The following FOXP1 variants were observed in gnomAD, a reference collection of about 807,000 sequenced individuals.
FOXP1 encodes the protein forkhead box protein P1.
A neutral mutation model predicts 98.2 loss-of-function variants in FOXP1; 15 were observed. The ratio of observed to expected loss-of-function variants is 0.15; its 90% CI spans 0.10 to 0.24. FOXP1 has a LOEUF of 0.24. Ranked by LOEUF, FOXP1 falls within the 10% of genes least tolerant of loss-of-function variation. FOXP1 has a pLI of 1.00. For synonymous variants in FOXP1, 371 were observed against 314.5 expected, an observed-to-expected ratio of 1.18 and a Z score of -1.90; for missense variants, 633 against 848.5, an observed-to-expected ratio of 0.75 and a Z score of 3.15.
intron 3 of FOXP1, among the ~76,000 whole-genome samples, chr3:71,439,951 A>AG (rs1012077536): frequency 7.8e-4 from 10 of 12,786 alleles, no homozygotes; most frequent in Non-Finnish European, 3.6e-3. Context: ...CTGTCTCAGG[A>AG]AAAAAAAAAA....
At chr3:71,035,473 G>A (rs1012154258) in intron 11 of FOXP1, among the ~76,000 whole-genome samples, 9 of 152,308 alleles carry the variant, frequency 5.9e-5, no homozygotes, top group Non-Finnish European at 7.4e-5. Context: ...CAAAGTAGCC[G>A]TAGACAATAC....
At chr3:71,495,909 G>T (rs2091374406) in intron 2 of FOXP1, among the ~76,000 whole-genome samples, 1 of 152,190 alleles carries the variant, frequency 6.6e-6, no homozygotes, top group Non-Finnish European at 1.5e-5. Context: ...GGAAGGCCAG[G>T]TGTAAGGTAA....
rs1445254128 is a variant in FOXP1 at position 71,039,202 on chromosome 3, T to A, written c.869+2126A>T. On this transcript the variant is annotated intron_variant, in intron 11 of 20. Transcript: ENST00000649528. Reference sequence around the variant, plus strand: ...GCATGTACAATTGGAAAACTCAGCCTGCTTTTACATCCAGATTAAGGCTCA... The same window carrying A: ...GCATGTACAATTGGAAAACTCAGCCAGCTTTTACATCCAGATTAAGGCTCA... 3.9e-5 allele frequency among the ~76,000 whole-genome samples: 6 copies of A among 152,282 alleles called. No homozygotes were observed. In the East Asian group the frequency reaches 1.2e-3, roughly 29 times the overall value.
At chr3:70,959,695 A>G (rs1484900156) in intron 20 of FOXP1, among the ~76,000 whole-genome samples, 1 of 152,204 alleles carries the variant, frequency 6.6e-6, no homozygotes, top group Admixed American at 6.5e-5. Flanking sequence ...TCTCTTGGGT[A>G]GTGATGCTCT....
chr3:71,036,107 C>T (rs1289886067), intron 11 of FOXP1, among the ~76,000 whole-genome samples: 1 of 152,124 alleles, frequency 6.6e-6, no homozygotes, highest in African/African-American at 2.4e-5. Context: ...TGTCAAGAGG[C>T]CACAAATCAA....
chr3:71,383,466 T>C (rs974034248), intron 3 of FOXP1, among the ~76,000 whole-genome samples: 1 of 152,220 alleles, frequency 6.6e-6, no homozygotes, highest in Non-Finnish European at 1.5e-5. Flanking sequence ...GAGAAAATGT[T>C]GGTATTTAGG....
intron 3 of FOXP1, among the ~76,000 whole-genome samples, chr3:71,368,119 AT>A (rs1158428252): frequency 4.0e-5 from 6 of 151,836 alleles, no homozygotes; most frequent in Non-Finnish European, 8.8e-5. Context: ...TTTAATTTTT[AT>A]TTTATTTATT....
At chr3:71,524,490 G>T (rs2043220495) in intron 2 of FOXP1, among the ~76,000 whole-genome samples, 1 of 151,580 alleles carries the variant, frequency 6.6e-6, no homozygotes, top group African/African-American at 2.4e-5. Context: ...TTTGTTGCTG[G>T]GTTTCTACAG....
At chr3:71,394,598 A>G (rs964220425) in intron 3 of FOXP1, among the ~76,000 whole-genome samples, 2 of 152,228 alleles carry the variant, frequency 1.3e-5, no homozygotes, top group Non-Finnish European at 2.9e-5. Flanking sequence ...AAGGGTCATC[A>G]ATAATAGCAA....
At chr3:71,441,556 A>T (rs921290556) in intron 3 of FOXP1, among the ~76,000 whole-genome samples, 3 of 152,230 alleles carry the variant, frequency 2.0e-5, no homozygotes, top group African/African-American at 7.2e-5. Context: ...CTCTAGGAGA[A>T]TGATCCTACG....
chr3:71,027,508 T>C (rs528800143), intron 11 of FOXP1, among the ~76,000 whole-genome samples: 38 of 152,322 alleles, frequency 2.5e-4, no homozygotes, highest in African/African-American at 8.4e-4. Context: ...TATTTCTCTA[T>C]AGCACAAGAT....
intron 20 of FOXP1, among the ~76,000 whole-genome samples, chr3:70,964,427 T>C (rs1210195229): frequency 6.6e-6 from 1 of 152,224 alleles, no homozygotes; most frequent in Non-Finnish European, 1.5e-5. Context: ...AATAGGAATA[T>C]ATGTCAACAA....
At chr3:71,575,844 C>T (rs2047681998) in intron 2 of FOXP1, among the ~76,000 whole-genome samples, 1 of 152,194 alleles carries the variant, frequency 6.6e-6, no homozygotes, top group Non-Finnish European at 1.5e-5. Flanking sequence ...CACATTATGA[C>T]TCAATTGCAC....
At chr3:70,986,793 G>A (rs2039816729) in intron 14 of FOXP1, among the ~76,000 whole-genome samples, 1 of 152,154 alleles carries the variant, frequency 6.6e-6, no homozygotes, top group Non-Finnish European at 1.5e-5. Flanking sequence ...GGTAAAAATG[G>A]ATGCACGAAG....
intron 14 of FOXP1, among the ~76,000 whole-genome samples, chr3:70,979,302 A>G (rs2038312117): frequency 5.5e-5 from 8 of 146,766 alleles, no homozygotes; most frequent in Admixed American, 1.4e-4. Context: ...AAAAAAAAAA[A>G]AAAAAAAAAA....
intron 7 of FOXP1, among the ~76,000 whole-genome samples, chr3:71,095,607 C>T (rs989910302): frequency 7.2e-5 from 11 of 152,006 alleles, no homozygotes; most frequent in Non-Finnish European, 1.5e-4. Context: ...CCTAGATCAA[C>T]ACAGAGTCTA....
intron 3 of FOXP1, among the ~76,000 whole-genome samples, chr3:71,452,092 T>C (rs188441188): frequency 1.3e-5 from 2 of 152,290 alleles, no homozygotes; most frequent in African/African-American, 4.8e-5. Context: ...GTACATGTCA[T>C]TGCCAAATAT....
At chr3:70,961,464 CAA>C (rs1334683617) in intron 20 of FOXP1, among the ~76,000 whole-genome samples, 2 of 150,594 alleles carry the variant, frequency 1.3e-5, no homozygotes, top group East Asian at 4.0e-4. Context: ...CTCCTGACCT[CAA>C]GTGATCCACC....
chr3:70,959,159 G>A lies in FOXP1; in HGVS notation c.*88C>T, dbSNP rs2106850356. 6.8e-7 allele frequency: 1 copy of A among 1,477,534 alleles called. No individual in the cohort carries two copies. The highest frequency in any genetic ancestry group is 9.4e-7 in the Non-Finnish European group (1 of 1,061,332). The allele number at this position is 1,477,534 out of a possible 1,614,324, so 91.5% of individuals were successfully genotyped here. A position where few individuals can be genotyped will look rare whatever the true frequency, so the allele number is the denominator to read the frequency against. On this transcript the variant is annotated 3_prime_UTR_variant, in exon 21 of 21. Coordinates refer to ENST00000649528, the MANE Select transcript of FOXP1 (RefSeq NM_001349338.3). Reference sequence around the variant, plus strand: ...AAATCCTCCAGACTGTACAACAAATGGAGAACAATTTCACTGCTAACTTTT... The same window carrying A: ...AAATCCTCCAGACTGTACAACAAATAGAGAACAATTTCACTGCTAACTTTT...
Sources: allele counts gnomAD v4.1 joint callset (sites outside exome capture counted in the v4.1 genomes callset), GRCh38; gene constraint gnomAD v4.1.1; transcripts MANE v1.5; gene names NCBI Gene and HGNC (gene_info 2026-07-23, HGNC 2026-07-21).